PTPRE: variants seen among roughly 807,000 people sequenced by gnomAD.
PTPRE encodes receptor-type tyrosine-protein phosphatase epsilon.
In PTPRE, 51 loss-of-function variants were observed where a neutral mutation model predicts 102.0. The observed-to-expected ratio is 0.50, with a 90% confidence interval of 0.40 to 0.63. The LOEUF is 0.63. PTPRE is among the 30% of genes least tolerant of loss of function. The pLI, the probability that PTPRE is intolerant of heterozygous loss-of-function variation, is 0.00. For missense variants in PTPRE, 752 were observed against 915.1 expected (o/e 0.82, Z 2.30); for synonymous variants, 345 against 348.2 (o/e 0.99, Z 0.10).
At position 127,932,994 on chromosome 10, in the gene PTPRE, G is replaced by A. The variant is rs185984802; in HGVS notation, c.-31+25685G>A. 1.5e-4 allele frequency among the ~76,000 whole-genome samples: 23 copies of A among 152,232 alleles called. No homozygotes were observed. In the East Asian group the frequency reaches 3.3e-3, roughly 22 times the overall value. On this transcript the variant is annotated intron_variant, in intron 1 of 20. Coordinates refer to ENST00000254667, the MANE Select transcript of PTPRE (RefSeq NM_006504.6). ...GCTCCTTCCTCCATCTTTAAAGCCC[G>A]CCATGTGCTCCCAGTCTCTCTGACC...
chr10:128,014,308 G>C (rs113062844), intron 2 of PTPRE, among the ~76,000 whole-genome samples: 1 of 152,278 alleles, frequency 6.6e-6, no homozygotes, highest in African/African-American at 2.4e-5. Context: ...GTTGCAATTT[G>C]GGGTCAAATG....
At chr10:127,950,663 G>A (rs1445445180) in intron 1 of PTPRE, among the ~76,000 whole-genome samples, 2 of 152,206 alleles carry the variant, frequency 1.3e-5, no homozygotes, top group Non-Finnish European at 2.9e-5. Flanking sequence ...ATCCTGGGGT[G>A]GCAGGGGCCA....
intron 1 of PTPRE, among the ~76,000 whole-genome samples, chr10:127,921,362 C>T (rs184129315): frequency 1.0e-3 from 156 of 152,262 alleles, no homozygotes; most frequent in Admixed American, 2.7e-3. Flanking sequence ...CAATAATCCC[C>T]AAGACGGAGG....
intron 2 of PTPRE, among the ~76,000 whole-genome samples, chr10:127,984,382 T>C (rs116442975): frequency 0.039 from 5,942 of 152,074 alleles, 258 homozygotes; most frequent in African/African-American, 0.11. Context: ...CGCCTGGCCC[T>C]GCCTCCATTT....
In PTPRE at chr10:127,944,489, TGG is replaced by T. The variant is rs1848481867; in HGVS notation, c.-31+37181_-31+37182del. 4.6e-5 allele frequency among the ~76,000 whole-genome samples: 4 copies of T among 86,214 alleles called. No individual in the cohort carries two copies. The highest frequency in any genetic ancestry group is 1.0e-4 in the Non-Finnish European group (4 of 38,626). 56.6% of individuals were successfully genotyped at this position (86,214 alleles called of 152,430 possible). ...ACAGACGGATGGATGGATGGATGGATGGATGGATGGATGGATGGATGGATGGG... is the reference window on the plus strand; with the variant it reads ...ACAGACGGATGGATGGATGGATGGATATGGATGGATGGATGGATGGATGGG... On this transcript the variant is annotated intron_variant, in intron 1 of 20. Transcript: ENST00000254667. The surrounding 1 kb of genome is among the most constrained non-coding windows in gnomAD (Gnocchi z 4.2).
rs370443919 is a variant in PTPRE, at chr10:127,915,701, G to C, written c.-31+8392G>C. Among the ~76,000 whole-genome samples the C allele has an allele frequency of 2.1e-4, 32 of 152,108 alleles. No homozygotes were observed. In the East Asian group the frequency reaches 5.2e-3, roughly 25 times the overall value. On this transcript the variant is annotated intron_variant, in intron 1 of 20. Transcript: ENST00000254667. Reference sequence around the variant, plus strand: ...AGCTAGCCAACAACATTCTTTCAAAGGATATTTTTTGGTTTTCATCAAATG... The same window carrying C: ...AGCTAGCCAACAACATTCTTTCAAACGATATTTTTTGGTTTTCATCAAATG...
intron 1 of PTPRE, among the ~76,000 whole-genome samples, chr10:127,931,773 G>C (rs1021505229): frequency 6.6e-6 from 1 of 152,186 alleles, no homozygotes; most frequent in African/African-American, 2.4e-5. Flanking sequence ...ATCTGATTGT[G>C]TATTTTATCA....
chr10:127,978,927 A>C (rs536733689), intron 1 of PTPRE, among the ~76,000 whole-genome samples: 2 of 152,324 alleles, frequency 1.3e-5, no homozygotes, highest in African/African-American at 4.8e-5. Context: ...AGGCTGAGGC[A>C]GGAGAATCAC....
chr10:128,036,035 AG>A (rs964037926), intron 2 of PTPRE, among the ~76,000 whole-genome samples: 14 of 152,264 alleles, frequency 9.2e-5, no homozygotes, highest in African/African-American at 3.4e-4. Flanking sequence ...GGTCAAGTAA[AG>A]GGTGAGGAGA....
At chr10:127,912,216 G>A (rs1845913879) in intron 1 of PTPRE, among the ~76,000 whole-genome samples, 1 of 152,192 alleles carries the variant, frequency 6.6e-6, no homozygotes, top group Non-Finnish European at 1.5e-5. Context: ...AGCCAGAAAT[G>A]TGGGCCCCAC....
At chr10:128,044,057 T>C (rs1486950331) in intron 3 of PTPRE, among the ~76,000 whole-genome samples, 2 of 152,242 alleles carry the variant, frequency 1.3e-5, no homozygotes, top group Non-Finnish European at 2.9e-5. Flanking sequence ...AGGAGTAGTA[T>C]GGTCTATTTA....
rs138504308 is a variant in PTPRE at position 127,945,908 on chromosome 10, G to A, written c.-30-36366G>A. Among the ~76,000 whole-genome samples the A allele has an allele frequency of 1.6e-3, 247 of 152,192 alleles. 3 individuals carry two copies. The highest frequency in any genetic ancestry group is 5.7e-3 in the African/African-American group (235 of 41,530). ...TGCATATTGTAGCTCATGAAGAAAAGGTTGTAAATCACCATTTCAGGATGT... is the reference window on the plus strand; with the variant it reads ...TGCATATTGTAGCTCATGAAGAAAAAGTTGTAAATCACCATTTCAGGATGT... On this transcript the variant is annotated intron_variant, in intron 1 of 20. Transcript: ENST00000254667.
intron 15 of PTPRE, chr10:128,071,903 C>T (rs905019833): frequency 3.0e-5 from 15 of 502,656 alleles, no homozygotes; most frequent in Admixed American, 1.0e-4. Context: ...TGTATTATAT[C>T]GATTCCTGAA....
chr10:127,944,158 C>T lies in PTPRE; in HGVS notation c.-31+36849C>T, dbSNP rs1848447770. On this transcript the variant is annotated intron_variant, in intron 1 of 20. Coordinates refer to ENST00000254667, the MANE Select transcript of PTPRE (RefSeq NM_006504.6). The surrounding 1 kb of genome is among the most constrained non-coding windows in gnomAD (Gnocchi z 4.2). ...GTTCTGCTGCTGGAAGGACTGAAGT[C>T]CAGGGAATATTACTGCTCAGAGGGC... Among the ~76,000 whole-genome samples, 2 of 152,062 alleles carry T rather than the reference C, an allele frequency of 1.3e-5. No individual in the cohort carries two copies. The highest frequency in any genetic ancestry group is 1.3e-4 in the Admixed American group (2 of 15,262).
chr10:128,079,429 T>A, intron 19 of PTPRE, 131 bp from the exon 20 acceptor site: 2 of 1,239,490 alleles, frequency 1.6e-6, no homozygotes, highest in Non-Finnish European at 2.2e-6. Flanking sequence ...CAAAAAAAAA[T>A]TCAGTCAAAC....
chr10:128,081,693 C>T (rs963518573), intron 20 of PTPRE, among the ~76,000 whole-genome samples: 12 of 152,212 alleles, frequency 7.9e-5, no homozygotes, highest in African/African-American at 2.7e-4. Flanking sequence ...CTTCTGAAGG[C>T]TGGGTGATCA....
At position 128,005,791 on chromosome 10, in the gene PTPRE, G is replaced by A. The variant is rs1042259862; in HGVS notation, c.-8+23495G>A. Among the ~76,000 whole-genome samples the A allele has an allele frequency of 2.0e-5, 3 of 152,208 alleles. No homozygotes were observed. The South Asian group carries it at 6.2e-4, about 32-fold the overall frequency. ...AACAATAGAGGTGTGTGGTCCCGCA[G>A]TTCCGGAGGCTGCAAGTCTGAAGCC... On this transcript the variant is annotated intron_variant, in intron 2 of 20. Coordinates refer to ENST00000254667, the MANE Select transcript of PTPRE (RefSeq NM_006504.6).
chr10:128,077,320 T>C (rs73388018), intron 18 of PTPRE, among the ~76,000 whole-genome samples: 12,253 of 152,244 alleles, frequency 0.08, 715 homozygotes, highest in African/African-American at 0.16. Flanking sequence ...GATTCCCTTC[T>C]CTCCAGCAGA....
At chr10:127,968,177 A>G (rs573568544) in intron 1 of PTPRE, among the ~76,000 whole-genome samples, 110 of 152,344 alleles carry the variant, frequency 7.2e-4, no homozygotes, top group African/African-American at 2.5e-3. Flanking sequence ...TAAATGTGGC[A>G]TATCTATGAA....
Sources: allele counts gnomAD v4.1 joint callset (sites outside exome capture counted in the v4.1 genomes callset), GRCh38; gene constraint gnomAD v4.1.1; non-coding constraint Gnocchi (gnomAD v3.1); transcripts MANE v1.5; gene names NCBI Gene and HGNC (gene_info 2026-07-23, HGNC 2026-07-21).